SDK1: variants seen among roughly 807,000 people sequenced by gnomAD.
SDK1 encodes sidekick cell adhesion molecule 1.
In SDK1, 157 loss-of-function variants were observed where a neutral mutation model predicts 245.5. That is an observed-to-expected ratio of 0.64 (90% CI 0.56 to 0.73). The LOEUF is 0.73. SDK1 is among the 30% of genes least tolerant of loss of function. SDK1 has a pLI of 0.00. For missense variants in SDK1, 3,583 were observed against 3,002.3 expected (o/e 1.19, Z -4.52); for synonymous variants, 1,647 against 1,278.5 (o/e 1.29, Z -6.15).
intron 22 of SDK1, among the ~76,000 whole-genome samples, chr7:4,089,419 G>T (rs960029204): frequency 1.5e-4 from 23 of 152,254 alleles, no homozygotes; most frequent in Admixed American, 1.4e-3. Flanking sequence ...GCCTCAGGGG[G>T]CCTCTGTGCT....
chr7:3,889,857 C>G (rs1370815861), intron 5 of SDK1, among the ~76,000 whole-genome samples: 10 of 152,166 alleles, frequency 6.6e-5, no homozygotes, highest in Non-Finnish European at 1.3e-4. Context: ...GGTAACTAGT[C>G]TCCTGCTGGT....
chr7:3,710,197 G>C lies in SDK1; in HGVS notation c.713+68092G>C, dbSNP rs1052771243. ...TGGTACTTAGAGCCAGTAACATGCAGCAGTTAATTATGCTGCTGTCCCACA... is the reference window on the plus strand; with the variant it reads ...TGGTACTTAGAGCCAGTAACATGCACCAGTTAATTATGCTGCTGTCCCACA... On this transcript the variant is annotated intron_variant, in intron 4 of 44. Transcript: ENST00000404826. 5.3e-5 allele frequency among the ~76,000 whole-genome samples: 8 copies of C among 152,168 alleles called. 1 individual carries two copies. Among genetic ancestry groups the C allele is most frequent in the African/African-American group, 1.9e-4 (8 of 41,442 alleles).
chr7:3,303,184 C>G (rs1171612819), intron 1 of SDK1, among the ~76,000 whole-genome samples: 1 of 152,098 alleles, frequency 6.6e-6, no homozygotes, highest in Non-Finnish European at 1.5e-5. Flanking sequence ...CTTATTTGTG[C>G]TTTTTGCTTA....
chr7:4,083,093 T>G (rs1050324571), intron 22 of SDK1, among the ~76,000 whole-genome samples: 18 of 152,184 alleles, frequency 1.2e-4, no homozygotes, highest in Admixed American at 1.2e-3. Context: ...ACAGCTTTAT[T>G]GAGTTGCAAT....
intron 12 of SDK1, among the ~76,000 whole-genome samples, chr7:3,972,815 G>A (rs1198868445): frequency 2.0e-5 from 3 of 152,186 alleles, no homozygotes; most frequent in African/African-American, 7.2e-5. Context: ...ACTCCCTGGG[G>A]TTTCCCAGGG....
At chr7:3,723,563 TC>T (rs958851550) in intron 4 of SDK1, among the ~76,000 whole-genome samples, 63 of 152,166 alleles carry the variant, frequency 4.1e-4, no homozygotes, top group Non-Finnish European at 4.7e-4. Context: ...TTATGAACTT[TC>T]CATTATAAAA....
intron 4 of SDK1, among the ~76,000 whole-genome samples, chr7:3,737,384 C>G (rs530618446): frequency 9.2e-5 from 14 of 152,210 alleles, no homozygotes; most frequent in African/African-American, 3.4e-4. Context: ...GGGGCGTCCA[C>G]TGTGTTCCAT....
At chr7:3,817,796 A>T (rs1562465911) in intron 4 of SDK1, among the ~76,000 whole-genome samples, 1 of 152,202 alleles carries the variant, frequency 6.6e-6, no homozygotes, top group African/African-American at 2.4e-5. Flanking sequence ...GAAATAGAGA[A>T]CTATGATTTT....
chr7:3,485,699 T>TTTTTTTTTTTTTTTTG, intron 1 of SDK1, among the ~76,000 whole-genome samples: 1 of 144,902 alleles, frequency 6.9e-6, no homozygotes, highest in Non-Finnish European at 1.5e-5. Context: ...TTTTTTTTTT[T>TTTTTTTTTTTTTTTTG]TTTTTTGAGC....
intron 4 of SDK1, among the ~76,000 whole-genome samples, chr7:3,664,778 G>C (rs1413064675): frequency 6.6e-6 from 1 of 151,688 alleles, no homozygotes; most frequent in Non-Finnish European, 1.5e-5. Context: ...GCAATAGTCT[G>C]ATAGAGCTTT....
In SDK1 at chr7:3,327,001, A is replaced by G. The variant is rs1320122842; in HGVS notation, c.298+25117A>G. ...TACACCAATTGCAAAAGTGTAATTTAGCTCTTAGGTTGAATAATCTTAAGC... is the reference window on the plus strand; with the variant it reads ...TACACCAATTGCAAAAGTGTAATTTGGCTCTTAGGTTGAATAATCTTAAGC... On this transcript the variant is annotated intron_variant, in intron 1 of 44. Transcript: ENST00000404826. Among the ~76,000 whole-genome samples the G allele has an allele frequency of 2.6e-5, 4 of 152,214 alleles. No homozygotes were observed. In the East Asian group the frequency reaches 7.7e-4, roughly 29 times the overall value.
chr7:3,493,690 T>C (rs1781934750), intron 1 of SDK1, among the ~76,000 whole-genome samples: 1 of 152,248 alleles, frequency 6.6e-6, no homozygotes, highest in African/African-American at 2.4e-5. Flanking sequence ...TCAATTTCTC[T>C]CTTGCAAGGT....
chr7:3,811,979 T>G (rs1779396131), intron 4 of SDK1, among the ~76,000 whole-genome samples: 1 of 152,240 alleles, frequency 6.6e-6, no homozygotes, highest in African/African-American at 2.4e-5. Context: ...CTACTTTTCC[T>G]CTAAAACTCT....
chr7:3,693,501 T>C (rs1412305278), intron 4 of SDK1, among the ~76,000 whole-genome samples: 2 of 152,252 alleles, frequency 1.3e-5, no homozygotes, highest in Non-Finnish European at 2.9e-5. Context: ...TCCAGAAGTA[T>C]TATCTGTCCG....
At chr7:3,496,072 G>A (rs141097185) in intron 1 of SDK1, among the ~76,000 whole-genome samples, 58 of 152,188 alleles carry the variant, frequency 3.8e-4, no homozygotes, top group African/African-American at 1.3e-3. Flanking sequence ...AGCTGATAAC[G>A]GTCTTTAAGA....
chr7:4,178,870 A>G (rs1782421837), intron 35 of SDK1, among the ~76,000 whole-genome samples: 1 of 152,212 alleles, frequency 6.6e-6, no homozygotes, highest in Admixed American at 6.5e-5. Context: ...TGCTCTACGA[A>G]AGTGGTATTA....
At chr7:4,121,063 G>T (rs1242381088) in intron 25 of SDK1, among the ~76,000 whole-genome samples, 1 of 151,662 alleles carries the variant, frequency 6.6e-6, no homozygotes, top group Non-Finnish European at 1.5e-5. Flanking sequence ...AATATTTTAT[G>T]TGTAAATGTA....
chr7:3,990,443 C>A (rs887338205), intron 14 of SDK1, among the ~76,000 whole-genome samples: 1 of 152,232 alleles, frequency 6.6e-6, no homozygotes, highest in Non-Finnish European at 1.5e-5. Flanking sequence ...TCTGACCGAA[C>A]GGGGAAGGCC....
chr7:3,438,094 A>T (rs1346127132), intron 1 of SDK1, among the ~76,000 whole-genome samples: 2 of 152,190 alleles, frequency 1.3e-5, no homozygotes, highest in African/African-American at 4.8e-5. Flanking sequence ...CGCACCCCAG[A>T]TCTCTTGACC....
Sources: allele counts gnomAD v4.1 joint callset (sites outside exome capture counted in the v4.1 genomes callset), GRCh38; gene constraint gnomAD v4.1.1; transcripts MANE v1.5; gene names NCBI Gene and HGNC (gene_info 2026-07-23, HGNC 2026-07-21).